Variants in ADGRV1 observed in about 807,000 individuals in gnomAD.
ADGRV1 encodes G-protein coupled receptor 98.
A neutral mutation model predicts 596.2 loss-of-function variants in ADGRV1; 359 were observed. The ratio of observed to expected loss-of-function variants is 0.60; its 90% CI spans 0.55 to 0.66. The LOEUF (loss-of-function observed/expected upper bound fraction) is 0.66, where lower values mean the gene tolerates loss of function less well. Among genes scored for constraint, ADGRV1 ranks in the 30% least tolerant of loss-of-function variants. The pLI, the probability that ADGRV1 is intolerant of heterozygous loss-of-function variation, is 0.00. For synonymous variants in ADGRV1, 2,681 were observed against 2,679.2 expected (o/e 1.00, Z -0.02); for missense variants, 7,274 against 7,575.6 (o/e 0.96, Z 1.48).
chr5:91,158,468 G>C (rs1428721102), intron 89 of ADGRV1, among the ~76,000 whole-genome samples: 1 of 152,224 alleles, frequency 6.6e-6, no homozygotes, highest in East Asian at 1.9e-4. Flanking sequence ...TTCAGGGACT[G>C]TGGTAGCATC....
chr5:90,834,826 A>T (rs1764823339), intron 77 of ADGRV1, among the ~76,000 whole-genome samples: 1 of 150,216 alleles, frequency 6.7e-6, no homozygotes, highest in Non-Finnish European at 1.5e-5. Flanking sequence ...TGCATGTTTC[A>T]TTTTTATTCT....
chr5:90,756,840 A>G, intron 56 of ADGRV1, 139 bp from the exon 57 acceptor site: 1 of 767,244 alleles, frequency 1.3e-6, no homozygotes, highest in Non-Finnish European at 2.1e-6. Flanking sequence ...AAGACCTTTT[A>G]TGCATACTTA....
intron 89 of ADGRV1, among the ~76,000 whole-genome samples, chr5:91,161,989 T>G (rs774513984): frequency 4.5e-4 from 68 of 152,222 alleles, no homozygotes; most frequent in Non-Finnish European, 7.3e-5. Context: ...TACATCTATT[T>G]GATAGGCTAG....
intron 50 of ADGRV1, among the ~76,000 whole-genome samples, chr5:90,743,295 T>C (rs1754194489): frequency 6.6e-6 from 1 of 152,166 alleles, no homozygotes; most frequent in Non-Finnish European, 1.5e-5. Flanking sequence ...CAACGTTTGC[T>C]GAAGTGTGAT....
chr5:90,596,313 A>G (rs373627519), intron 1 of ADGRV1, among the ~76,000 whole-genome samples: 4 of 143,952 alleles, frequency 2.8e-5, no homozygotes, highest in African/African-American at 1.0e-4. Context: ...AGACTGGGCA[A>G]CCAGGCAGAG....
At chr5:91,037,911 GCAGT>G (rs1158667621) in intron 85 of ADGRV1, among the ~76,000 whole-genome samples, 18 of 152,268 alleles carry the variant, frequency 1.2e-4, no homozygotes, top group African/African-American at 4.3e-4. Context: ...CAGTCAAAAT[GCAGT>G]CAAACTTTGT....
At chr5:91,033,445 A>T (rs1425101445) in intron 85 of ADGRV1, among the ~76,000 whole-genome samples, 4 of 152,200 alleles carry the variant, frequency 2.6e-5, no homozygotes, top group Non-Finnish European at 4.4e-5. Flanking sequence ...TGGATGTCAC[A>T]TGTACATGGG....
chr5:90,689,803 T>C (rs1746227129), intron 29 of ADGRV1, 58 bp from the exon 30 acceptor site: 4 of 1,196,518 alleles, frequency 3.3e-6, no homozygotes, highest in Non-Finnish European at 3.6e-6. Flanking sequence ...TTCCCTAGTA[T>C]ATGGAATGTT....
chr5:90,605,405 C>T (rs1442766935), intron 1 of ADGRV1, among the ~76,000 whole-genome samples: 2 of 135,946 alleles, frequency 1.5e-5, no homozygotes, highest in African/African-American at 6.0e-5. Context: ...TAGAGCGAGA[C>T]TACGTCTTAA....
chr5:90,855,116 T>C (rs6862967), intron 81 of ADGRV1, among the ~76,000 whole-genome samples: 10,527 of 152,200 alleles, frequency 0.069, 938 homozygotes, highest in African/African-American at 0.2. Flanking sequence ...GAGGCTCAAG[T>C]GATAGTCACT....
chr5:90,907,022 C>T (rs1772388120), intron 83 of ADGRV1, among the ~76,000 whole-genome samples: 1 of 152,146 alleles, frequency 6.6e-6, no homozygotes, highest in Non-Finnish European at 1.5e-5. Context: ...GAGGATAGTA[C>T]ACCAGCACTT....
At chr5:90,796,148 G>A (rs1017693339) in intron 70 of ADGRV1, among the ~76,000 whole-genome samples, 2 of 152,140 alleles carry the variant, frequency 1.3e-5, no homozygotes, top group East Asian at 1.9e-4. Flanking sequence ...ACAGAAGTAA[G>A]CTTCAGAAGG....
At chr5:90,674,454 GT>G (rs1772946229) in intron 23 of ADGRV1, 1 of 359,738 alleles carries the variant, frequency 2.8e-6, no homozygotes, top group East Asian at 4.3e-5. Context: ...GTTTTGAAAA[GT>G]TTTTGCAGGA....
intron 21 of ADGRV1, among the ~76,000 whole-genome samples, chr5:90,661,144 G>C (rs1770226829): frequency 1.3e-5 from 2 of 152,082 alleles, no homozygotes; most frequent in Admixed American, 1.3e-4. Context: ...TTGTTGTTCT[G>C]TGTATTTCCT....
intron 85 of ADGRV1, among the ~76,000 whole-genome samples, chr5:91,035,547 T>G (rs1291932266): frequency 6.6e-6 from 1 of 152,118 alleles, no homozygotes; most frequent in African/African-American, 2.4e-5. Flanking sequence ...TTCTTGTGAA[T>G]GGCAAACTAT....
chr5:90,580,781 T>C (rs938794549), intron 1 of ADGRV1, among the ~76,000 whole-genome samples: 3 of 151,664 alleles, frequency 2.0e-5, no homozygotes, highest in Non-Finnish European at 4.4e-5. Flanking sequence ...TCTGGAGGAG[T>C]ATCTTTGTGG....
intron 83 of ADGRV1, among the ~76,000 whole-genome samples, chr5:90,870,114 A>G (rs1768523424): frequency 2.0e-5 from 3 of 152,170 alleles, no homozygotes; most frequent in Admixed American, 2.0e-4. Flanking sequence ...GGAGATTTAG[A>G]TGTTATCTAC....
chr5:90,794,259 A>G (rs1760411015), intron 70 of ADGRV1, among the ~76,000 whole-genome samples: 1 of 152,184 alleles, frequency 6.6e-6, no homozygotes, highest in Non-Finnish European at 1.5e-5. Context: ...TCTAAGAACA[A>G]AAGAGTCTTG....
intron 41 of ADGRV1, 150 bp downstream of exon 41, chr5:90,711,472 C>T: frequency 1.9e-6 from 1 of 536,692 alleles, no homozygotes; most frequent in Non-Finnish European, 3.1e-6. Flanking sequence ...AAGATTTCCT[C>T]ATGGTAAAAT....
Sources: gnomAD v4.1 joint callset for allele counts (sites outside exome capture counted in the v4.1 genomes callset) on GRCh38, gnomAD v4.1.1 for gene constraint, MANE v1.5 for transcripts, NCBI Gene and HGNC (gene_info 2026-07-23, HGNC 2026-07-21) for gene names.